The following MEFV variants were observed in gnomAD, a reference collection of about 807,000 sequenced individuals.
MEFV encodes pyrin.
MEFV carries 60 observed loss-of-function variants against 62.5 expected under a neutral mutation model. The observed-to-expected ratio is 0.96, with a 90% CI of 0.78 to 1.19. The LOEUF (loss-of-function observed/expected upper bound fraction) is 1.19. Among genes scored for constraint, MEFV ranks in the 50% most tolerant of loss-of-function variants. The pLI is 0.00. For synonymous variants in MEFV, 500 were observed against 415.2 expected, an observed-to-expected ratio of 1.20 and a Z score of -2.48; for missense variants, 1,169 against 1,004.5, an observed-to-expected ratio of 1.16 and a Z score of -2.21.
At chr16:3,246,782 T>C (rs1224389901) in intron 5 of MEFV, among the ~76,000 whole-genome samples, 1 of 152,146 alleles carries the variant, frequency 6.6e-6, no homozygotes, top group Non-Finnish European at 1.5e-5. Context: ...GCCCTGCTGA[T>C]CCCTTCTGGG....
Position 3,254,628 on chromosome 16 carries a change from G to C in MEFV, c.440C>G (p.Pro147Arg). Residue 147 changes from proline (P) to arginine (R), a missense_variant, in exon 2 of 10, where the codon CCC (proline) becomes CGC (arginine). Transcript: ENST00000219596. ...GGAASLRCSQ[P>R]EAGRGLSRKP... ...CCTCGACAGCCCCCTCCCGGCCTCG[G>C]GCTGGCTGCACCGCAGGCTGGCAGC... 1 of 1,605,584 alleles carries C rather than the reference G, an allele frequency of 6.2e-7. No individual in the cohort carries two copies. The highest frequency in any genetic ancestry group is 8.5e-7 in the Non-Finnish European group (1 of 1,177,586).
In MEFV at chr16:3,249,421, G is replaced by A. The variant is rs104895137; in HGVS notation, c.1260+10C>T. On this transcript the variant is annotated intron_variant, in intron 3 of 9. Coordinates refer to ENST00000219596, the MANE Select transcript of MEFV (RefSeq NM_000243.3). ...TGGCAGAGAAGAGCCCACAGGCAGGGAGTGCCTACCTTGTGTTCCAGGGCG... is the reference window on the plus strand; with the variant it reads ...TGGCAGAGAAGAGCCCACAGGCAGGAAGTGCCTACCTTGTGTTCCAGGGCG... 3.1e-4 allele frequency: 501 copies of A among 1,609,952 alleles called. 1 individual carries two copies. The highest frequency in any genetic ancestry group is 8.5e-4 in the Admixed American group (51 of 60,022).
chr16:3,249,749 G>A lies in MEFV; in HGVS notation c.942C>T (p.Arg314=), dbSNP rs224213. ...CTGGGTCTCCTTCCTGGGCGTGGCA[G>A]CGGGGACTCGCAGCCGTGTCTGGTG... is the stretch of plus-strand genomic sequence containing the variant. ...GRPPDTAASP[R]CHAQEGDPVD... is the part of the protein sequence containing the mutation. The change falls in exon 3 of 10, where the codon CGC becomes CGT. Residue 314 remains arginine, a synonymous_variant. Coordinates refer to ENST00000219596, the MANE Select transcript of MEFV (RefSeq NM_000243.3). The A allele has an allele frequency of 0.58, 937,397 of 1,613,414 alleles. 276,500 individuals carry two copies. The highest frequency in any genetic ancestry group is 0.73 in the South Asian group (66,358 of 91,058).
Position 3,256,352 on chromosome 16 carries a change from T to A in MEFV, c.236A>T (p.Gln79Leu). The change falls in exon 1 of 10, where the codon CAG (glutamine) becomes CTG (leucine). Residue 79 changes from glutamine to leucine, a missense_variant. Transcript: ENST00000219596. ...LTLQVLRAIN[Q>L]RLLAEELHRA... ...GTGGAGCTCCTCGGCCAGCAGGCGC[T>A]GGTTGATGGCCCGCAGGACCTGCAG... 2 of 1,613,990 alleles carry A rather than the reference T, an allele frequency of 1.2e-6. No homozygotes were observed. Among genetic ancestry groups the A allele is most frequent in the South Asian group, 2.2e-5 (2 of 91,090 alleles).
At chr16:3,250,164 G>A (rs1036660759) in intron 2 of MEFV, among the ~76,000 whole-genome samples, 1 of 152,238 alleles carries the variant, frequency 6.6e-6, no homozygotes, top group African/African-American at 2.4e-5. Flanking sequence ...GTGAGTGGAG[G>A]CTTCCAGGGG....
intron 7 of MEFV, 31 bp from the exon 8 acceptor site, chr16:3,244,317 C>T: frequency 6.2e-7 from 1 of 1,613,844 alleles, no homozygotes; most frequent in Non-Finnish European, 8.5e-7. Context: ...CAGAGAGAAG[C>T]TGGAGTTAGG....
Position 3,254,691 on chromosome 16 carries a change from C to G in MEFV, c.377G>C (p.Gly126Ala). The G allele has an allele frequency of 6.2e-7, 1 of 1,612,640 alleles. No homozygotes were observed. Among genetic ancestry groups the G allele is most frequent in the Non-Finnish European group, 8.5e-7 (1 of 1,179,974 alleles). Reference sequence around the variant, plus strand: ...CGGCCGAGGGCCGTTCCCCTCGTTCCCCTCGGGGTGGTCTGGAGTCTTCAG... The same window carrying G: ...CGGCCGAGGGCCGTTCCCCTCGTTCGCCTCGGGGTGGTCTGGAGTCTTCAG... ...RSLKTPDHPE[G>A]NEGNGPRPYG... Residue 126 changes from glycine (G) to alanine (A), a missense_variant, in exon 2 of 10, where the codon GGG (glycine) becomes GCG (alanine). Transcript: ENST00000219596.
rs1185925415 is a variant in MEFV at position 3,254,734 on chromosome 16, C to T, written c.334G>A (p.Glu112Lys). 2 of 1,612,786 alleles carry T rather than the reference C, an allele frequency of 1.2e-6. No homozygotes were observed. Among genetic ancestry groups the T allele is most frequent in the Non-Finnish European group, 1.7e-6 (2 of 1,180,008 alleles). Residue 112 changes from glutamate to lysine, a missense_variant, in exon 2 of 10, where the codon GAG becomes AAG. Coordinates refer to ENST00000219596, the MANE Select transcript of MEFV (RefSeq NM_000243.3). ...DDSAASSSLG[E>K]NKPRSLKTPD... is the part of the protein sequence containing the mutation. ...GTCTTCAGGCTCCTGGGCTTGTTCT[C>T]CCCCAGGGAGCTGGACGCTGCGGAA...
chr16:3,243,921 A>C, intron 8 of MEFV, 29 bp from the exon 9 acceptor site: 2 of 1,613,588 alleles, frequency 1.2e-6, no homozygotes, highest in Non-Finnish European at 1.7e-6. Flanking sequence ...TAGGGAAAAA[A>C]ATCCTGAGCA....
chr16:3,243,808 G>A, intron 9 of MEFV, 52 bp downstream of exon 9: 17 of 1,608,802 alleles, frequency 1.1e-5, no homozygotes, highest in Non-Finnish European at 1.4e-5. Context: ...TGGTAGGGGA[G>A]AGCACAGGGA....
chr16:3,243,367 G>A lies in MEFV; in HGVS notation c.2120C>T (p.Thr707Ile), dbSNP rs1958887738. 2 of 1,614,162 alleles carry A rather than the reference G, an allele frequency of 1.2e-6. No individual in the cohort carries two copies. The highest frequency in any genetic ancestry group is 1.1e-5 in the South Asian group (1 of 91,086). The part of the protein sequence containing the change: ...NEYQASSVPP[T>I]RLLIKEPPKR... ...GGGAGGCTCCTTTATTAGCAGGCGG[G>A]TCGGGGGAACGCTGGACGCCTGGTA... Residue 707 changes from threonine (T) to isoleucine (I), a missense_variant, in exon 10 of 10, where the codon ACC (threonine) becomes ATC (isoleucine). By Grantham distance (89) the Thr-to-Ile change is moderately conservative (BLOSUM62 -1). Coordinates refer to ENST00000219596, the MANE Select transcript of MEFV (RefSeq NM_000243.3).
In MEFV at chr16:3,244,505, T is replaced by C. The variant is rs753915461; in HGVS notation, c.1694A>G (p.Glu565Gly). 1.8e-5 allele frequency: 29 copies of C among 1,614,150 alleles called. No homozygotes were observed. Among genetic ancestry groups the C allele is most frequent in the Non-Finnish European group, 2.4e-5 (28 of 1,180,036 alleles). ...QKIQLLHQKS[E>G]FVEKSTKYFS... is the part of the protein sequence containing the mutation. Reference sequence around the variant, plus strand: ...GTACTTTGTGCTCTTCTCCACAAACTCTGACTTCTGGTGGAGGAGTTGGAT... The same window carrying C: ...GTACTTTGTGCTCTTCTCCACAAACCCTGACTTCTGGTGGAGGAGTTGGAT... The change falls in exon 7 of 10, where the codon GAG (glutamate) becomes GGG (glycine). Residue 565 changes from glutamate (E) to glycine (G), a missense_variant. Coordinates refer to ENST00000219596, the MANE Select transcript of MEFV (RefSeq NM_000243.3).
chr16:3,243,771 C>T, intron 9 of MEFV, 77 bp from the exon 10 acceptor site: 1 of 1,609,100 alleles, frequency 6.2e-7, no homozygotes, highest in Non-Finnish European at 8.5e-7. Flanking sequence ...CTGCAGGAAA[C>T]AGGGACAGGG....
intron 1 of MEFV, 25 bp from the exon 2 acceptor site, chr16:3,254,815 T>C: frequency 6.2e-7 from 1 of 1,608,136 alleles, no homozygotes; most frequent in South Asian, 1.1e-5. Context: ...AGATGCAAAA[T>C]GATGAAGCTG....
In MEFV at chr16:3,256,407, A is replaced by G. The variant is rs768043268; in HGVS notation, c.181T>C (p.Tyr61His). ...VKMATLLVTY[Y>H]GEEYAVQLTL... ...AGCTGCACGGCGTACTCTTCCCCAT[A>G]GTAGGTGACCAGCAGAGTGGCCATC... The change falls in exon 1 of 10, where the codon TAT becomes CAT. Residue 61 changes from tyrosine to histidine, a missense_variant. Physicochemically the swap from Tyr to His is moderately conservative, Grantham distance 83. Coordinates refer to ENST00000219596, the MANE Select transcript of MEFV (RefSeq NM_000243.3). 1 of 1,614,168 alleles carries G rather than the reference A, an allele frequency of 6.2e-7. No homozygotes were observed. The highest frequency in any genetic ancestry group is 1.7e-5 in the Admixed American group (1 of 60,034).
chr16:3,242,582 A>G lies in MEFV; in HGVS notation c.*559T>C. On this transcript the variant is annotated 3_prime_UTR_variant, in exon 10 of 10. Transcript: ENST00000219596. ...CAGCTGCTCAGGAGGCTGAGGCAGGAGAATCGCTTGAACCTGGGAGGTGGA... is the reference window on the plus strand; with the variant it reads ...CAGCTGCTCAGGAGGCTGAGGCAGGGGAATCGCTTGAACCTGGGAGGTGGA... 5.6e-6 allele frequency: 1 copy of G among 178,284 alleles called. No homozygotes were observed. Among genetic ancestry groups the G allele is most frequent in the Non-Finnish European group, 1.2e-5 (1 of 81,922 alleles). 11.0% of individuals were successfully genotyped at this position (178,284 alleles called of 1,614,324 possible).
At chr16:3,245,910 TAGA>T (rs1285394852) in intron 6 of MEFV, among the ~76,000 whole-genome samples, 1 of 152,268 alleles carries the variant, frequency 6.6e-6, no homozygotes, top group East Asian at 1.9e-4. Flanking sequence ...AACCAAAAGT[TAGA>T]AGAAGTCCCG....
At chr16:3,244,133 T>C (rs1487582506) in intron 8 of MEFV, 121 bp downstream of exon 8, 3 of 1,560,562 alleles carry the variant, frequency 1.9e-6, no homozygotes, top group Middle Eastern at 3.3e-4. Flanking sequence ...ACCTTTCTCC[T>C]ACCTTTGCTC....
chr16:3,249,341 C>T, intron 3 of MEFV, 90 bp downstream of exon 3: 1 of 1,249,642 alleles, frequency 8.0e-7, no homozygotes, highest in Non-Finnish European at 1.2e-6. Flanking sequence ...GGTTAATGCA[C>T]CAACAACCCA....
Sources: allele counts gnomAD v4.1 joint callset (sites outside exome capture counted in the v4.1 genomes callset), GRCh38; gene constraint gnomAD v4.1.1; transcripts MANE v1.5; gene names NCBI Gene and HGNC (gene_info 2026-07-23, HGNC 2026-07-21).